The following MALL variants were observed in gnomAD, a reference collection of about 807,000 sequenced individuals.
The protein encoded by MALL is mal, T cell differentiation protein like.
In MALL, 2 loss-of-function variants were observed where a neutral mutation model predicts 10.3. The ratio of observed to expected loss-of-function variants is 0.19; its 90% CI spans 0.08 to 0.61. The LOEUF is 0.61. Among genes scored for constraint, MALL ranks in the 20% least tolerant of loss-of-function variants. The pLI, the probability that MALL is intolerant of heterozygous loss-of-function variation, is 0.88. For missense variants in MALL, 39 were observed against 115.2 expected (o/e 0.34, Z 3.03); for synonymous variants, 27 against 51.8 (o/e 0.52, Z 2.05).
At chr2:110,101,562 T>A (rs1299520100) in intron 1 of MALL, among the ~76,000 whole-genome samples, 2 of 152,012 alleles carry the variant, frequency 1.3e-5, no homozygotes, top group Non-Finnish European at 2.9e-5. Context: ...TTGGTACTCA[T>A]AAGCACTCAC....
chr2:110,115,690 G>T lies in MALL; in HGVS notation c.103C>A (p.Leu35Met). 1 of 1,279,778 alleles carries T rather than the reference G, an allele frequency of 7.8e-7. No homozygotes were observed. Among genetic ancestry groups the T allele is most frequent in the Non-Finnish European group, 9.9e-7 (1 of 1,006,196 alleles). The allele number at this position is 1,279,778 out of a possible 1,614,324, so 79.3% of individuals were successfully genotyped here. The part of the protein sequence containing the change: ...TIPFAFFLPE[L>M]IFGFLVWTMV... ...CGGGTCGGGGGTGCCGCACTCACCAGCTCGGGCAGGAAGAAGGCGAAAGGG... is the reference window on the plus strand; with the variant it reads ...CGGGTCGGGGGTGCCGCACTCACCATCTCGGGCAGGAAGAAGGCGAAAGGG... Residue 35 changes from leucine to methionine, a missense_variant and splice_region_variant, in exon 1 of 4, where the codon CTG becomes ATG. By Grantham distance (15) the Leu-to-Met change is conservative (BLOSUM62 2). Transcript: ENST00000272462.
intron 1 of MALL, among the ~76,000 whole-genome samples, chr2:110,096,142 C>A (rs996833801): frequency 6.6e-6 from 1 of 152,138 alleles, no homozygotes; most frequent in Non-Finnish European, 1.5e-5. Flanking sequence ...CTCCTAGAAG[C>A]CTTTGGGGAC....
chr2:110,100,744 A>T (rs1574032554), intron 1 of MALL, among the ~76,000 whole-genome samples: 1 of 152,090 alleles, frequency 6.6e-6, no homozygotes, highest in South Asian at 2.1e-4. Flanking sequence ...ACAGCCCAGC[A>T]CAGGCCCCAG....
chr2:110,098,462 C>A (rs1199859676), intron 1 of MALL, among the ~76,000 whole-genome samples: 1 of 152,084 alleles, frequency 6.6e-6, no homozygotes, highest in African/African-American at 2.4e-5. Context: ...TGGAATCATG[C>A]CGTATTTGTC....
At chr2:110,117,060 T>C (rs904022506), upstream of MALL, among the ~76,000 whole-genome samples, 1 of 152,076 alleles carries the variant, frequency 6.6e-6, no homozygotes, top group Non-Finnish European at 1.5e-5. Context: ...ACCAAAGGCA[T>C]TGCAAAGAAA....
At chr2:110,116,941 A>G (rs1293905618), upstream of MALL, among the ~76,000 whole-genome samples, 1 of 152,138 alleles carries the variant, frequency 6.6e-6, no homozygotes, top group East Asian at 1.9e-4. Context: ...AGAAACGGTG[A>G]ATGCCAGGTC....
chr2:110,103,715 AC>A (rs1456132503), intron 1 of MALL, among the ~76,000 whole-genome samples: 1 of 152,104 alleles, frequency 6.6e-6, no homozygotes, highest in African/African-American at 2.4e-5. Flanking sequence ...AAGTCTGTGG[AC>A]CCCTCCGGGT....
intron 1 of MALL, among the ~76,000 whole-genome samples, chr2:110,097,144 C>G (rs1183324578): frequency 1.3e-5 from 2 of 148,236 alleles, no homozygotes; most frequent in African/African-American, 4.9e-5. Flanking sequence ...ATGGAACAAA[C>G]TCCAAGAATT....
chr2:110,110,556 G>A (rs1678781829), intron 1 of MALL, among the ~76,000 whole-genome samples: 1 of 152,032 alleles, frequency 6.6e-6, no homozygotes, highest in African/African-American at 2.4e-5. Context: ...ATAACAAGCT[G>A]CAAGATTGAA....
intron 1 of MALL, among the ~76,000 whole-genome samples, chr2:110,105,177 T>A (rs1678661659): frequency 6.6e-6 from 1 of 152,200 alleles, no homozygotes; most frequent in Admixed American, 6.5e-5. Context: ...AGAGCCAGAC[T>A]TTAGGCCCCA....
chr2:110,115,624 G>T, intron 1 of MALL, 64 bp downstream of exon 1: 1 of 942,256 alleles, frequency 1.1e-6, no homozygotes, highest in Non-Finnish European at 1.4e-6. Flanking sequence ...GGTCCGGTCT[G>T]GGTCCGAGGC....
At position 110,115,755 on chromosome 2, in the gene MALL, G is replaced by C. The variant is rs199685565; in HGVS notation, c.38C>G (p.Pro13Arg). 1.6e-6 allele frequency: 2 copies of C among 1,289,316 alleles called. No homozygotes were observed. The highest frequency in any genetic ancestry group is 2.0e-6 in the Non-Finnish European group (2 of 1,011,048). The allele number at this position is 1,289,316 out of a possible 1,614,324, so 79.9% of individuals were successfully genotyped here. Residue 13 changes from proline (P) to arginine (R), a missense_variant, in exon 1 of 4, where the codon CCG (proline) becomes CGG (arginine). Pro to Arg is a moderately radical substitution (Grantham distance 103, BLOSUM62 -2). Coordinates refer to ENST00000272462, the MANE Select transcript of MALL (RefSeq NM_005434.5). ...CGCGACCCCCGAGGGCACGTCGGAC[G>C]GGGCGTAGCTGGTGGCGGGCGGGTC... ...SPDPPATSYAPSDVPSGVALF... is the reference protein window; with the variant it reads ...SPDPPATSYARSDVPSGVALF...
At chr2:110,114,617 C>T (rs1250974694) in intron 1 of MALL, among the ~76,000 whole-genome samples, 1 of 151,546 alleles carries the variant, frequency 6.6e-6, no homozygotes, top group Non-Finnish European at 1.5e-5. Context: ...CTAGGCCCAC[C>T]CTGCCTGATT....
upstream of MALL, among the ~76,000 whole-genome samples, chr2:110,117,411 C>T (rs1244206483): frequency 6.6e-6 from 1 of 152,080 alleles, no homozygotes; most frequent in East Asian, 1.9e-4. Context: ...AATAATACAA[C>T]CCATAACCCC....
At chr2:110,115,369 CG>C (rs1242693909) in intron 1 of MALL, among the ~76,000 whole-genome samples, 1 of 152,128 alleles carries the variant, frequency 6.6e-6, no homozygotes, top group Non-Finnish European at 1.5e-5. Flanking sequence ...ACCCCCTTGG[CG>C]GCATAAGACG....
intron 1 of MALL, among the ~76,000 whole-genome samples, chr2:110,115,433 C>A (rs929441464): frequency 4.0e-5 from 6 of 150,858 alleles, no homozygotes. Context: ...GCTGTGCGCC[C>A]GGTGGGAGGC....
intron 1 of MALL, among the ~76,000 whole-genome samples, chr2:110,110,097 A>ACT (rs1279702437): frequency 2.0e-5 from 3 of 152,120 alleles, no homozygotes; most frequent in African/African-American, 7.2e-5. Context: ...TCATAGCCCT[A>ACT]AACACCTACA....
In MALL at chr2:110,115,372, CA is replaced by C. The variant is rs1201752457; in HGVS notation, c.105+315del. 6.0e-4 allele frequency among the ~76,000 whole-genome samples: 92 copies of C among 152,254 alleles called. 1 individual carries two copies. Among genetic ancestry groups the C allele is most frequent in the Non-Finnish European group, 2.9e-5 (2 of 68,022 alleles). On this transcript the variant is annotated intron_variant, in intron 1 of 3. Transcript: ENST00000272462. ...TTGGAGGGAGGAACCCCCTTGGCGG[CA>C]TAAGACGGGGCACCGAGTGGCATCT...
At position 110,115,750 on chromosome 2, in the gene MALL, C is replaced by T. The variant is rs1185298375; in HGVS notation, c.43G>A (p.Asp15Asn). 7.7e-7 allele frequency: 1 copy of T among 1,290,370 alleles called. No homozygotes were observed. Among genetic ancestry groups the T allele is most frequent in the East Asian group, 2.9e-5 (1 of 34,344 alleles). 79.9% of individuals were successfully genotyped at this position (1,290,370 alleles called of 1,614,324 possible). The change falls in exon 1 of 4, where the codon GAC becomes AAC. Residue 15 changes from aspartate (D) to asparagine (N), a missense_variant. Asp to Asn is a conservative substitution (Grantham distance 23, BLOSUM62 1). Around this residue, in one of 2 missense-constraint regions of MALL, gnomAD observed 39 missense variants for 48.0 expected, o/e 0.81. Coordinates refer to ENST00000272462, the MANE Select transcript of MALL (RefSeq NM_005434.5). ...AACAGCGCGACCCCCGAGGGCACGT[C>T]GGACGGGGCGTAGCTGGTGGCGGGC... Reference protein sequence around the residue: ...DPPATSYAPSDVPSGVALFLT... With the variant: ...DPPATSYAPSNVPSGVALFLT...
Sources: gnomAD v4.1 joint callset for allele counts (sites outside exome capture counted in the v4.1 genomes callset) on GRCh38, gnomAD v4.1.1 for gene constraint, gnomAD v4.1.1 regional missense constraint, MANE v1.5 for transcripts, NCBI Gene and HGNC (gene_info 2026-07-23, HGNC 2026-07-21) for gene names.